Variants in FBN2 observed in about 807,000 individuals in gnomAD.
FBN2 encodes fibrillin-2.
A neutral mutation model predicts 355.6 loss-of-function variants in FBN2; 105 were observed. The ratio of observed to expected loss-of-function variants is 0.30; its 90% CI spans 0.25 to 0.35. The LOEUF is 0.35. FBN2 is among the 10% of genes least tolerant of loss of function. FBN2 has a pLI of 1.00. For synonymous variants in FBN2, 1,350 were observed against 1,301.2 expected (o/e 1.04, Z -0.81); for missense variants, 3,280 against 3,758.7 (o/e 0.87, Z 3.33).
intron 5 of FBN2, among the ~76,000 whole-genome samples, chr5:128,501,929 G>A (rs1317200897): frequency 6.6e-6 from 1 of 152,014 alleles, no homozygotes; most frequent in Admixed American, 6.6e-5. Flanking sequence ...ATGACTCGAA[G>A]ACACAACAGA....
At chr5:128,533,918 G>C (rs550888237) in intron 2 of FBN2, among the ~76,000 whole-genome samples, 2 of 151,080 alleles carry the variant, frequency 1.3e-5, no homozygotes, top group South Asian at 4.2e-4. Flanking sequence ...ATATTTGGAA[G>C]TTTGGAAGTA....
At chr5:128,420,003 C>T (rs1484024345) in intron 7 of FBN2, among the ~76,000 whole-genome samples, 1 of 152,124 alleles carries the variant, frequency 6.6e-6, no homozygotes, top group Non-Finnish European at 1.5e-5. Flanking sequence ...CTGATGTATA[C>T]TTCTTTTTAT....
At chr5:128,440,198 A>C (rs1270043847) in intron 7 of FBN2, among the ~76,000 whole-genome samples, 1 of 152,190 alleles carries the variant, frequency 6.6e-6, no homozygotes, top group South Asian at 2.1e-4. Flanking sequence ...TTATCTTTCC[A>C]TAGGAATAGT....
At chr5:128,474,399 T>C (rs1754954258) in intron 5 of FBN2, among the ~76,000 whole-genome samples, 1 of 152,226 alleles carries the variant, frequency 6.6e-6, no homozygotes, top group Admixed American at 6.5e-5. Flanking sequence ...TAGGAAAATC[T>C]GTACTATCGT....
intron 4 of FBN2, among the ~76,000 whole-genome samples, chr5:128,522,614 G>T (rs1169997251): frequency 6.6e-6 from 1 of 152,136 alleles, no homozygotes; most frequent in East Asian, 1.9e-4. Context: ...AGCAGCCGAA[G>T]TTTACATTAA....
At chr5:128,518,535 TC>T (rs1756348084) in intron 5 of FBN2, among the ~76,000 whole-genome samples, 1 of 152,084 alleles carries the variant, frequency 6.6e-6, no homozygotes, top group African/African-American at 2.4e-5. Context: ...TCCTGGTAAG[TC>T]TACATCAAAC....
At chr5:128,372,280 T>C (rs1561423690) in intron 15 of FBN2, among the ~76,000 whole-genome samples, 1 of 152,204 alleles carries the variant, frequency 6.6e-6, no homozygotes, top group African/African-American at 2.4e-5. Flanking sequence ...TTTGAATGAA[T>C]GGGAAAGATA....
intron 5 of FBN2, among the ~76,000 whole-genome samples, chr5:128,466,816 C>T (rs1754725350): frequency 6.6e-6 from 1 of 152,072 alleles, no homozygotes; most frequent in African/African-American, 2.4e-5. Flanking sequence ...GATATGGCAA[C>T]CTTATAAACA....
Position 128,312,795 on chromosome 5 carries a change from T to A in FBN2, c.4718A>T (p.Asp1573Val), listed in dbSNP as rs768561304. The A allele has an allele frequency of 6.2e-7, 1 of 1,613,628 alleles. No individual in the cohort carries two copies. The highest frequency in any genetic ancestry group is 1.7e-5 in the Admixed American group (1 of 60,010). Residue 1573 changes from aspartate to valine, a missense_variant and splice_region_variant, in exon 37 of 65, where the codon GAC (aspartate) becomes GTC (valine). By Grantham distance (152) the Asp-to-Val change is radical (BLOSUM62 -3). This residue lies in a region of FBN2 where 2,284 missense variants were observed against 2,749.5 expected (regional missense o/e 0.83). Coordinates refer to ENST00000262464, the MANE Select transcript of FBN2 (RefSeq NM_001999.4). ...CAGGTAGCAGTTGCCCACACGGTTG[T>A]CTGCAGAGCAACAAAGGAGCTTACA... is the stretch of plus-strand genomic sequence containing the variant. ...QLNPTGVGCV[D>V]NRVGNCYLKF...
In FBN2 at chr5:128,330,760, C is replaced by T. The variant is rs1750671600; in HGVS notation, c.4223-65G>A. 56 of 1,566,286 alleles carry T rather than the reference C, an allele frequency of 3.6e-5. 4 individuals are homozygous for T. The South Asian group carries it at 5.5e-4, about 15-fold the overall frequency. ...ACATTTAAGCACCTGGAAAGATTAT[C>T]GTTTGTCTTAATTTACATATAAACT... On this transcript the variant is annotated intron_variant, in intron 32 of 64. Transcript: ENST00000262464.
At chr5:128,358,498 T>C (rs1250504581) in intron 19 of FBN2, among the ~76,000 whole-genome samples, 2 of 152,130 alleles carry the variant, frequency 1.3e-5, no homozygotes, top group Non-Finnish European at 2.9e-5. Flanking sequence ...TAAACTAAAC[T>C]AATCCTGAAA....
intron 18 of FBN2, among the ~76,000 whole-genome samples, chr5:128,363,784 G>A (rs1430442420): frequency 6.6e-6 from 1 of 152,098 alleles, no homozygotes; most frequent in Non-Finnish European, 1.5e-5. Flanking sequence ...CTTCCCTGTA[G>A]TTATCAAAAT....
At chr5:128,361,688 C>A in intron 19 of FBN2, 35 bp downstream of exon 19, 1 of 1,613,120 alleles carries the variant, frequency 6.2e-7, no homozygotes, top group Non-Finnish European at 8.5e-7. Context: ...CAGGTACTCA[C>A]TATGCACAAA....
chr5:128,456,004 A>AAAAAAAAAAAAAAC, intron 6 of FBN2, among the ~76,000 whole-genome samples: 1 of 142,570 alleles, frequency 7.0e-6, no homozygotes, highest in Non-Finnish European at 1.5e-5. Flanking sequence ...AAAAAAAAAA[A>AAAAAAAAAAAAAAC]AAAAAAAAAA....
rs562560096 is a variant in FBN2, at chr5:128,449,396, T to C, written c.827-2790A>G. 3.5e-3 allele frequency among the ~76,000 whole-genome samples: 342 copies of C among 98,932 alleles called. 3 individuals carry two copies. Among genetic ancestry groups the C allele is most frequent in the African/African-American group, 0.018 (313 of 17,620 alleles). The allele number at this position is 98,932 out of a possible 152,430, so 64.9% of individuals were successfully genotyped here. A position where few individuals can be genotyped will look rare whatever the true frequency, so the allele number is the denominator to read the frequency against. On this transcript the variant is annotated intron_variant, in intron 6 of 64. Transcript: ENST00000262464. ...ATTTATAGTATACTATATAATAGTA[T>C]ACTGTATAATTATATAGTATACTAT...
At chr5:128,280,857 G>T (rs2126811381) in intron 55 of FBN2, among the ~76,000 whole-genome samples, 1 of 152,182 alleles carries the variant, frequency 6.6e-6, no homozygotes, top group African/African-American at 2.4e-5. Flanking sequence ...TTTGGTTGGT[G>T]ATAAATAAAC....
rs765930896 is a variant in FBN2 at position 128,374,690 on chromosome 5, C to G, written c.2033G>C (p.Gly678Ala). The change falls in exon 15 of 65, where the codon GGG becomes GCG. Residue 678 changes from glycine (G) to alanine (A), a missense_variant. By Grantham distance (60) the Gly-to-Ala change is moderately conservative. Around this residue, in one of 6 missense-constraint regions of FBN2, gnomAD observed 2,284 missense variants for 2,749.5 expected, o/e 0.83. Transcript: ENST00000262464. ...CMNGHCINSE[G>A]SFRCDCPPGL... ...TGGGGGACAGTCACAGCGGAAGGAC[C>G]CTTCACTGTTGATGCAGTGCCCATT... 1.9e-6 allele frequency: 3 copies of G among 1,613,928 alleles called. No individual in the cohort carries two copies. Among genetic ancestry groups the G allele is most frequent in the Admixed American group, 1.7e-5 (1 of 59,976 alleles).
At chr5:128,390,336 C>A (rs1417042653) in intron 11 of FBN2, among the ~76,000 whole-genome samples, 1 of 151,872 alleles carries the variant, frequency 6.6e-6, no homozygotes, top group Non-Finnish European at 1.5e-5. Flanking sequence ...GAGTTTGATT[C>A]AAAACTATTT....
Position 128,278,899 on chromosome 5 carries a change from CT to C in FBN2, c.7139-59del, listed in dbSNP as rs544933852. 1.4e-3 allele frequency: 2,032 copies of C among 1,401,636 alleles called. 2 individuals are homozygous for C. The highest frequency in any genetic ancestry group is 3.0e-3 in the Admixed American group (167 of 55,226). The allele number at this position is 1,401,636 out of a possible 1,614,324, so 86.8% of individuals were successfully genotyped here. Reference sequence around the variant, plus strand: ...CGGAACTGACATTTCATTATCCTGGCTTTCAAATTAAGCAGGGCAGTCAAGA... The same window carrying C: ...CGGAACTGACATTTCATTATCCTGGCTTCAAATTAAGCAGGGCAGTCAAGA... On this transcript the variant is annotated intron_variant, in intron 56 of 64. Coordinates refer to ENST00000262464, the MANE Select transcript of FBN2 (RefSeq NM_001999.4).
Sources: gnomAD v4.1 joint callset for allele counts (sites outside exome capture counted in the v4.1 genomes callset) on GRCh38, gnomAD v4.1.1 for gene constraint, gnomAD v4.1.1 regional missense constraint, MANE v1.5 for transcripts, NCBI Gene and HGNC (gene_info 2026-07-23, HGNC 2026-07-21) for gene names.